The following ADCY5 variants were observed in gnomAD, a reference collection of about 807,000 sequenced individuals.
The protein encoded by ADCY5 is adenylate cyclase 5.
Under a neutral mutation model 119.7 loss-of-function variants are expected in ADCY5, and 30 were observed. The ratio of observed to expected loss-of-function variants is 0.25; its 90% CI spans 0.19 to 0.34. The LOEUF is 0.34. Among genes scored for constraint, ADCY5 ranks in the 10% least tolerant of loss-of-function variants. ADCY5 has a pLI of 1.00. For missense variants in ADCY5, 1,324 were observed against 1,775.2 expected, an observed-to-expected ratio of 0.75 and a Z score of 4.57; for synonymous variants, 753 against 762.2, an observed-to-expected ratio of 0.99 and a Z score of 0.20.
chr3:123,286,361 T>C lies in ADCY5; in HGVS notation c.3657+324A>G, dbSNP rs1485517088. ...CAGACATCTTTGCATCCTCTCTGTG[T>C]GCCTGGGCTAGGAGGCACTGGGGCC... On this transcript the variant is annotated intron_variant, in intron 20 of 20. Coordinates refer to ENST00000462833, the MANE Select transcript of ADCY5 (RefSeq NM_183357.3). This position sits in a 1 kb window ranked among gnomAD's most constrained non-coding sequence, Gnocchi z 4.2. 6.6e-6 allele frequency among the ~76,000 whole-genome samples: 1 copy of C among 152,162 alleles called. No homozygotes were observed. Among genetic ancestry groups the C allele is most frequent in the Non-Finnish European group, 1.5e-5 (1 of 68,018 alleles).
At chr3:123,327,544 A>C in intron 7 of ADCY5, 74 bp downstream of exon 7, 1 of 1,426,998 alleles carries the variant, frequency 7.0e-7, no homozygotes, top group South Asian at 1.3e-5. Context: ...AAAGAGAAGG[A>C]AGCAGCAGGT....
chr3:123,289,723 C>A (rs1376139112), intron 19 of ADCY5, 27 bp downstream of exon 19: 10 of 1,611,402 alleles, frequency 6.2e-6, no homozygotes, highest in Non-Finnish European at 8.5e-6. Flanking sequence ...GCACCCTGGG[C>A]TCAGCACTCC....
At chr3:123,408,966 C>T (rs908303228) in intron 1 of ADCY5, among the ~76,000 whole-genome samples, 1 of 152,084 alleles carries the variant, frequency 6.6e-6, no homozygotes, top group African/African-American at 2.4e-5. Context: ...CAGAGTGAGA[C>T]TCTAACTCAA....
Position 123,284,321 on chromosome 3 carries a change from C to T in ADCY5, c.*287G>A. On this transcript the variant is annotated 3_prime_UTR_variant, in exon 21 of 21. Transcript: ENST00000462833. ...CCACGGCTCCTTTCCACCTGTGCAG[C>T]AGCACCTGTTAGAAAACTCAAGCTT... 2.5e-6 allele frequency: 1 copy of T among 403,502 alleles called. No homozygotes were observed. The highest frequency in any genetic ancestry group is 4.6e-6 in the Non-Finnish European group (1 of 218,658). 25.0% of individuals were successfully genotyped at this position (403,502 alleles called of 1,614,324 possible). A position where few individuals can be genotyped will look rare whatever the true frequency, so the allele number is the denominator to read the frequency against.
intron 1 of ADCY5, among the ~76,000 whole-genome samples, chr3:123,381,956 G>A (rs1419999908): frequency 3.3e-5 from 5 of 152,164 alleles, no homozygotes; most frequent in African/African-American, 1.2e-4. Context: ...GGAGAAGAAA[G>A]GCCCAAGTCC....
intron 1 of ADCY5, among the ~76,000 whole-genome samples, chr3:123,399,394 A>G (rs1364858941): frequency 6.6e-6 from 1 of 152,242 alleles, no homozygotes; most frequent in African/African-American, 2.4e-5. Context: ...GACCATGGTC[A>G]TCTATTTTAT....
intron 1 of ADCY5, among the ~76,000 whole-genome samples, chr3:123,440,945 C>G (rs942229303): frequency 6.6e-6 from 1 of 152,218 alleles, no homozygotes; most frequent in Non-Finnish European, 1.5e-5. Flanking sequence ...TGCACACTCA[C>G]CAGCCCCACC....
chr3:123,317,915 T>A, intron 11 of ADCY5, 105 bp downstream of exon 11: 1 of 1,035,356 alleles, frequency 9.7e-7, no homozygotes, highest in Non-Finnish European at 1.4e-6. Flanking sequence ...CCTGAGCAAG[T>A]GCAGGCCAGA....
chr3:123,442,662 A>G (rs1333382682), intron 1 of ADCY5, among the ~76,000 whole-genome samples: 1 of 152,156 alleles, frequency 6.6e-6, no homozygotes, highest in Non-Finnish European at 1.5e-5. Flanking sequence ...AACAGTGTAC[A>G]TTCCCACAAA....
intron 1 of ADCY5, among the ~76,000 whole-genome samples, chr3:123,353,335 A>T (rs1270024954): frequency 6.6e-6 from 1 of 152,234 alleles, no homozygotes; most frequent in Non-Finnish European, 1.5e-5. Flanking sequence ...GGAAAATGAA[A>T]CACAATACAA....
chr3:123,320,892 G>C (rs1324839667), intron 8 of ADCY5, 121 bp from the exon 9 acceptor site: 18 of 730,540 alleles, frequency 2.5e-5, no homozygotes, highest in Non-Finnish European at 3.8e-5. Context: ...TGGACATAGA[G>C]AGGATTGTCA....
rs576896910 is a variant in ADCY5, at chr3:123,425,304, G to A, written c.1134+22108C>T. On this transcript the variant is annotated intron_variant, in intron 1 of 20. Transcript: ENST00000462833. Reference sequence around the variant, plus strand: ...CCTAGACACTCACTTGGGGGAAAGGGATTGGGCTTATTGTCTCGGTTATCA... The same window carrying A: ...CCTAGACACTCACTTGGGGGAAAGGAATTGGGCTTATTGTCTCGGTTATCA... 3.9e-5 allele frequency among the ~76,000 whole-genome samples: 6 copies of A among 152,306 alleles called. 1 individual carries two copies. The South Asian group carries it at 1.2e-3, about 32-fold the overall frequency.
intron 3 of ADCY5, among the ~76,000 whole-genome samples, chr3:123,344,803 G>A (rs1315857922): frequency 2.0e-5 from 3 of 152,214 alleles, no homozygotes; most frequent in African/African-American, 7.2e-5. Context: ...AACCAGTGCT[G>A]CTGATGTAAC....
chr3:123,387,057 C>T (rs1266932474), intron 1 of ADCY5, among the ~76,000 whole-genome samples: 1 of 152,222 alleles, frequency 6.6e-6, no homozygotes, highest in East Asian at 1.9e-4. Flanking sequence ...TTCACTACTT[C>T]ATTCATTCAA....
At position 123,283,285 on chromosome 3, in the gene ADCY5, C is replaced by G. The variant is rs1466813782; in HGVS notation, c.*1323G>C. 1 of 152,234 alleles carries G rather than the reference C, an allele frequency of 6.6e-6. No individual in the cohort carries two copies. The highest frequency in any genetic ancestry group is 1.5e-5 in the Non-Finnish European group (1 of 68,050). The allele number at this position is 152,234 out of a possible 1,614,324, so 9.4% of individuals were successfully genotyped here. ...CAAAGCACCTGGCCTTCTGTAAGCA[C>G]TCTGGAATCTGTGGGCGCTGCCTCT... is the stretch of plus-strand genomic sequence containing the variant. On this transcript the variant is annotated 3_prime_UTR_variant, in exon 21 of 21. Coordinates refer to ENST00000462833, the MANE Select transcript of ADCY5 (RefSeq NM_183357.3).
chr3:123,384,563 G>A (rs6790681), intron 1 of ADCY5, among the ~76,000 whole-genome samples: 72,121 of 152,028 alleles, frequency 0.47, 17,888 homozygotes, highest in East Asian at 0.68. Context: ...AAAGCCAGGT[G>A]TGTCCACAGA....
At chr3:123,408,762 G>C (rs1162645030) in intron 1 of ADCY5, among the ~76,000 whole-genome samples, 1 of 152,040 alleles carries the variant, frequency 6.6e-6, no homozygotes, top group Non-Finnish European at 1.5e-5. Context: ...GATCACCTGA[G>C]GGTAGGAATT....
chr3:123,314,174 C>G, intron 12 of ADCY5, 61 bp downstream of exon 12: 1 of 1,413,232 alleles, frequency 7.1e-7, no homozygotes, highest in Non-Finnish European at 9.9e-7. Context: ...CTGGGTAGGG[C>G]CCCTAGGGCT....
intron 1 of ADCY5, among the ~76,000 whole-genome samples, chr3:123,447,073 T>C (rs1945829601): frequency 6.6e-6 from 1 of 152,218 alleles, no homozygotes. Flanking sequence ...AGGGGCCTTT[T>C]GTATATAGGA....
Sources: gnomAD v4.1 joint callset for allele counts (sites outside exome capture counted in the v4.1 genomes callset) on GRCh38, gnomAD v4.1.1 for gene constraint, Gnocchi (gnomAD v3.1) non-coding constraint, MANE v1.5 for transcripts, NCBI Gene and HGNC (gene_info 2026-07-23, HGNC 2026-07-21) for gene names.